LIPC: variants seen among roughly 807,000 people sequenced by gnomAD.
LIPC encodes lipase C, hepatic type, also known as hepatic triacylglycerol lipase.
LIPC carries 44 observed loss-of-function variants against 50.7 expected under a neutral mutation model. The observed-to-expected ratio is 0.87, with a 90% CI of 0.68 to 1.11. The LOEUF is 1.11. Among genes scored for constraint, LIPC ranks in the 50% most tolerant of loss-of-function variants. The pLI, the probability that LIPC is intolerant of heterozygous loss-of-function variation, is 0.00. For synonymous variants in LIPC, 271 were observed against 256.4 expected, an observed-to-expected ratio of 1.06 and a Z score of -0.54; for missense variants, 697 against 648.2, an observed-to-expected ratio of 1.08 and a Z score of -0.82.
chr15:58,452,897 T>C (rs1467468584), intron 1 of LIPC, among the ~76,000 whole-genome samples: 1 of 152,202 alleles, frequency 6.6e-6, no homozygotes, highest in Non-Finnish European at 1.5e-5. Context: ...TTCACTGTGG[T>C]CCCATCTGCT....
At chr15:58,484,993 G>A (rs1242615380) in intron 1 of LIPC, among the ~76,000 whole-genome samples, 3 of 152,296 alleles carry the variant, frequency 2.0e-5, no homozygotes, top group Admixed American at 6.5e-5. Flanking sequence ...GAAGAAAACA[G>A]CTCAAGAAGA....
chr15:58,564,544 A>G (rs990262719), intron 8 of LIPC, among the ~76,000 whole-genome samples: 1 of 151,270 alleles, frequency 6.6e-6, no homozygotes, highest in African/African-American at 2.4e-5. Context: ...CCTGGCCGAC[A>G]TGGTGAAATC....
chr15:58,514,421 G>A (rs1892425333), intron 1 of LIPC, among the ~76,000 whole-genome samples: 1 of 152,196 alleles, frequency 6.6e-6, no homozygotes, highest in African/African-American at 2.4e-5. Flanking sequence ...ATAGGATTAT[G>A]CACTATTTCA....
chr15:58,530,551 G>C (rs1462975947), intron 1 of LIPC, among the ~76,000 whole-genome samples: 2 of 152,214 alleles, frequency 1.3e-5, no homozygotes, highest in African/African-American at 2.4e-5. Context: ...CTTGACTATA[G>C]TGCAGTATTC....
At chr15:58,451,261 G>C (rs1401896842) in intron 1 of LIPC, among the ~76,000 whole-genome samples, 1 of 152,304 alleles carries the variant, frequency 6.6e-6, no homozygotes, top group East Asian at 1.9e-4. Context: ...TACGAAAAAG[G>C]CAGGTAAGTA....
intron 1 of LIPC, among the ~76,000 whole-genome samples, chr15:58,464,041 A>G (rs1472128703): frequency 6.6e-6 from 1 of 152,218 alleles, no homozygotes; most frequent in African/African-American, 2.4e-5. Flanking sequence ...TGAAAGGCAA[A>G]TAACCCCACC....
chr15:58,460,268 T>G (rs1157347836), intron 1 of LIPC, among the ~76,000 whole-genome samples: 1 of 152,196 alleles, frequency 6.6e-6, no homozygotes, highest in Non-Finnish European at 1.5e-5. Flanking sequence ...GAGTTCTAAC[T>G]CTGCAGGAGA....
intron 1 of LIPC, among the ~76,000 whole-genome samples, chr15:58,504,842 T>C (rs1892094869): frequency 6.6e-6 from 1 of 152,228 alleles, no homozygotes; most frequent in Non-Finnish European, 1.5e-5. Flanking sequence ...CCCATTATCC[T>C]ATCTCGAGGA....
chr15:58,530,168 G>A (rs955747613), intron 1 of LIPC, among the ~76,000 whole-genome samples: 5 of 152,190 alleles, frequency 3.3e-5, no homozygotes, highest in Non-Finnish European at 7.3e-5. Context: ...GTCTCCAGGC[G>A]CCTTGTGTTT....
At chr15:58,524,021 A>G (rs1441227710) in intron 1 of LIPC, among the ~76,000 whole-genome samples, 2 of 152,184 alleles carry the variant, frequency 1.3e-5, no homozygotes, top group Admixed American at 6.5e-5. Context: ...AATAGAATAG[A>G]TTTGCAAAAT....
At chr15:58,493,819 G>A (rs1434887987) in intron 1 of LIPC, among the ~76,000 whole-genome samples, 3 of 151,386 alleles carry the variant, frequency 2.0e-5, no homozygotes, top group Non-Finnish European at 4.4e-5. Flanking sequence ...AAAAGAAATT[G>A]AAACCTCCTT....
chr15:58,507,954 G>A (rs1346840130), intron 1 of LIPC, among the ~76,000 whole-genome samples: 2 of 152,154 alleles, frequency 1.3e-5, no homozygotes, highest in East Asian at 3.9e-4. Context: ...AGTCTGTTGG[G>A]ACTTCAGAGC....
At chr15:58,432,385 ACAGT>A (rs1893154051) in intron 1 of LIPC, 3 of 502,348 alleles carry the variant, frequency 6.0e-6, no homozygotes, top group African/African-American at 5.8e-5. Flanking sequence ...TGATATGGAA[ACAGT>A]CATGCTAAAA....
chr15:58,485,773 TC>T (rs1891352692), intron 1 of LIPC, among the ~76,000 whole-genome samples: 1 of 152,240 alleles, frequency 6.6e-6, no homozygotes, highest in Non-Finnish European at 1.5e-5. Context: ...AGCGCTGCCT[TC>T]CCAGCCACAC....
intron 6 of LIPC, among the ~76,000 whole-genome samples, chr15:58,556,762 C>T (rs1893968770): frequency 6.6e-6 from 1 of 152,202 alleles, no homozygotes; most frequent in African/African-American, 2.4e-5. Context: ...AGACTAACTT[C>T]TAATTGCAGC....
chr15:58,492,688 C>G (rs1400125012), intron 1 of LIPC, among the ~76,000 whole-genome samples: 3 of 152,322 alleles, frequency 2.0e-5, no homozygotes, highest in Admixed American at 2.0e-4. Flanking sequence ...ATCTAGGGCT[C>G]TGTCCCACCA....
At chr15:58,521,992 G>T (rs1338713187) in intron 1 of LIPC, 4 of 152,120 alleles carry the variant, frequency 2.6e-5, no homozygotes, top group Non-Finnish European at 4.4e-5. Flanking sequence ...ATAACCAGAA[G>T]AGAGTTTGCG....
intron 1 of LIPC, among the ~76,000 whole-genome samples, chr15:58,472,483 T>G (rs561658243): frequency 1.0e-4 from 15 of 149,772 alleles, no homozygotes; most frequent in Non-Finnish European, 1.9e-4. Context: ...AGCTGAGGCA[T>G]GCGAATCACT....
intron 1 of LIPC, chr15:58,456,264 A>G (rs1894110941): frequency 1.3e-5 from 2 of 152,248 alleles, no homozygotes; most frequent in South Asian, 4.1e-4. Flanking sequence ...AAGAAAAGAA[A>G]AAGTAGAATG....
Sources: allele counts gnomAD v4.1 joint callset (sites outside exome capture counted in the v4.1 genomes callset), GRCh38; gene constraint gnomAD v4.1.1; transcripts MANE v1.5; gene names NCBI Gene and HGNC (gene_info 2026-07-23, HGNC 2026-07-21).